The following CDC25C variants were observed in gnomAD, a reference collection of about 807,000 sequenced individuals.
CDC25C encodes M-phase inducer phosphatase 3.
CDC25C carries 48 observed loss-of-function variants against 52.5 expected under a neutral mutation model. The ratio of observed to expected loss-of-function variants is 0.91; its 90% CI spans 0.72 to 1.16. The LOEUF (loss-of-function observed/expected upper bound fraction) is 1.16. Ranked by LOEUF, CDC25C falls within the 50% of genes most tolerant of loss-of-function variation. The probability of loss-of-function intolerance (pLI) is 0.00; values close to 1 mark genes in which losing one functional copy is unlikely to be tolerated. For synonymous variants in CDC25C, 187 were observed against 206.5 expected, an observed-to-expected ratio of 0.91 and a Z score of 0.81; for missense variants, 510 against 566.1, an observed-to-expected ratio of 0.90 and a Z score of 1.01.
chr5:138,320,952 A>G (rs1286839737), intron 6 of CDC25C, among the ~76,000 whole-genome samples: 3 of 136,612 alleles, frequency 2.2e-5, no homozygotes, highest in Non-Finnish European at 4.7e-5. Context: ...AAAAGTAGCC[A>G]GGCATAGTGG....
chr5:138,328,778 T>C (rs574085863), intron 3 of CDC25C: 48 of 323,328 alleles, frequency 1.5e-4, no homozygotes, highest in African/African-American at 9.3e-4. Flanking sequence ...TATGGAGTTT[T>C]TTTTTTTCTT....
In CDC25C at chr5:138,285,521, G is replaced by C; in HGVS notation, c.*171C>G. The C allele has an allele frequency of 1.5e-6, 1 of 676,498 alleles. No homozygotes were observed. 41.9% of individuals were successfully genotyped at this position (676,498 alleles called of 1,614,324 possible). A position where few individuals can be genotyped will look rare whatever the true frequency, so the allele number is the denominator to read the frequency against. ...TCCAGGACTCTGCCACCAGCTTTCA[G>C]CTCTGCTGAAACCTAATCCATTCCC... On this transcript the variant is annotated 3_prime_UTR_variant, in exon 14 of 14. Coordinates refer to ENST00000323760, the MANE Select transcript of CDC25C (RefSeq NM_001790.5).
Position 138,319,257 on chromosome 5 carries a change from C to T in CDC25C, c.577G>A (p.Glu193Lys). 6.2e-7 allele frequency: 1 copy of T among 1,613,636 alleles called. No homozygotes were observed. Residue 193 changes from glutamate to lysine, a missense_variant, in exon 7 of 14, where the codon GAA (glutamate) becomes AAA (lysine). Transcript: ENST00000323760. ...TCTTTCAGGGAAAACTCCATTAATT[C>T]ATCTGAAATCTCTTCTGCCTGGTCT... ...GEDQAEEISD[E>K]LMEFSLKDQE... is the part of the protein sequence containing the mutation.
At chr5:138,296,216 T>C (rs1164879110) in intron 7 of CDC25C, among the ~76,000 whole-genome samples, 2 of 152,052 alleles carry the variant, frequency 1.3e-5, no homozygotes, top group South Asian at 2.1e-4. Context: ...CACCTCCTAC[T>C]CTTTTAGTTA....
intron 7 of CDC25C, among the ~76,000 whole-genome samples, chr5:138,299,357 G>A (rs1757462899): frequency 6.6e-6 from 1 of 150,976 alleles, no homozygotes; most frequent in Admixed American, 6.6e-5. Context: ...TTAGCCAGGC[G>A]TGGTAGGGTA....
chr5:138,293,751 A>G (rs1178643691), intron 7 of CDC25C, among the ~76,000 whole-genome samples: 11 of 151,070 alleles, frequency 7.3e-5, no homozygotes, highest in Non-Finnish European at 1.5e-5. Context: ...GGCTCAAGCG[A>G]TCCTCCCAAC....
At chr5:138,306,411 G>T (rs573538463) in intron 7 of CDC25C, among the ~76,000 whole-genome samples, 3 of 151,942 alleles carry the variant, frequency 2.0e-5, no homozygotes, top group Admixed American at 6.6e-5. Flanking sequence ...AATCACTAAG[G>T]TTACGACAAT....
chr5:138,315,443 A>G (rs537203589), intron 7 of CDC25C, among the ~76,000 whole-genome samples: 41 of 152,212 alleles, frequency 2.7e-4, no homozygotes, highest in Non-Finnish European at 5.1e-4. Flanking sequence ...CTACTGTATT[A>G]CAAACTGCTC....
At chr5:138,338,162 C>G in exon 1 of CDC25C, 2 of 1,289,684 alleles carry the variant, frequency 1.6e-6, no homozygotes, top group Non-Finnish European at 2.0e-6. Flanking sequence ...CCATGGGTGG[C>G]TTGGGGGGAT....
intron 3 of CDC25C, chr5:138,328,763 C>T (rs1302922396): frequency 2.5e-6 from 1 of 392,456 alleles, no homozygotes; most frequent in Non-Finnish European, 4.6e-6. Context: ...CTACACTATG[C>T]TACCTATGGA....
At chr5:138,311,883 G>C (rs1040811559) in intron 7 of CDC25C, among the ~76,000 whole-genome samples, 1 of 152,060 alleles carries the variant, frequency 6.6e-6, no homozygotes, top group Admixed American at 6.6e-5. Flanking sequence ...ATTAAAAAAT[G>C]GGCAAAGGAC....
rs75580072 is a variant in CDC25C, at chr5:138,299,982, C to T, written c.616-7866G>A. On this transcript the variant is annotated intron_variant, in intron 7 of 13. Transcript: ENST00000323760. ...ATCATGAAGAAATATTAGTGAATAA[C>T]TGTGTGCCAACAAATGAGACCACTT... is the stretch of plus-strand genomic sequence containing the variant. 4.2e-3 allele frequency among the ~76,000 whole-genome samples: 632 copies of T among 152,260 alleles called. 5 individuals are homozygous for T. The highest frequency in any genetic ancestry group is 0.015 in the African/African-American group (604 of 41,558).
chr5:138,324,463 T>G (rs1240633700), intron 6 of CDC25C, among the ~76,000 whole-genome samples: 1 of 151,460 alleles, frequency 6.6e-6, no homozygotes, highest in East Asian at 2.0e-4. Flanking sequence ...AAAAAAACTT[T>G]AAAAATATTG....
At position 138,337,711 on chromosome 5, in the gene CDC25C, G is replaced by C. The variant is rs575532143; in HGVS notation, c.13+245C>G. 1.2e-5 allele frequency: 4 copies of C among 333,630 alleles called. No individual in the cohort carries two copies. The East Asian group carries it at 3.7e-4, about 31-fold the overall frequency. The allele number at this position is 333,630 out of a possible 1,614,324, so 20.7% of individuals were successfully genotyped here. A position where few individuals can be genotyped will look rare whatever the true frequency, so the allele number is the denominator to read the frequency against. On this transcript the variant is annotated intron_variant, in intron 1 of 5. Coordinates refer to the CDC25C transcript ENST00000510119. ...TCAGGCCGATCCGGCAGCTGCAAGA[G>C]GGGCTCCTGGGACTCCGAGCAGGCC...
intron 6 of CDC25C, among the ~76,000 whole-genome samples, chr5:138,320,307 GA>G (rs1253967620): frequency 3.4e-5 from 5 of 147,078 alleles, no homozygotes; most frequent in African/African-American, 1.0e-4. Context: ...CTCCATCTTG[GA>G]AAAAAAAAAT....
Position 138,325,870 on chromosome 5 carries a change from T to G in CDC25C, c.404A>C (p.Asp135Ala). 6.2e-7 allele frequency: 1 copy of G among 1,614,142 alleles called. No homozygotes were observed. Among genetic ancestry groups the G allele is most frequent in the South Asian group, 1.1e-5 (1 of 91,078 alleles). ...QLLCSTPNGL[D>A]RGHRKRDAMC... The stretch of plus-strand genomic sequence containing the variant: ...TGCATCTCTCTTTCTATGGCCACGG[T>G]CCAAACCATTCGGAGTGCTACAAAG... Residue 135 changes from aspartate to alanine, a missense_variant, in exon 6 of 14, where the codon GAC (aspartate) becomes GCC (alanine). By Grantham distance (126) the Asp-to-Ala change is moderately radical (BLOSUM62 -2). Coordinates refer to ENST00000323760, the MANE Select transcript of CDC25C (RefSeq NM_001790.5).
Position 138,331,717 on chromosome 5 carries a change from C to T in CDC25C, c.-161G>A, listed in dbSNP as rs1760399390. ...GGAAAGGAGGTAGTTAACTAGATTG[C>T]AGCTCTGCCTTCCGACTGGGTAGGC... On this transcript the variant is annotated 5_prime_UTR_variant, in exon 1 of 14. Transcript: ENST00000323760. 1 of 989,832 alleles carries T rather than the reference C, an allele frequency of 1.0e-6. No individual in the cohort carries two copies. Among genetic ancestry groups the T allele is most frequent in the Non-Finnish European group, 1.2e-6 (1 of 832,358 alleles). 61.3% of individuals were successfully genotyped at this position (989,832 alleles called of 1,614,324 possible).
chr5:138,286,526 A>C lies in CDC25C; in HGVS notation c.1131T>G (p.Cys377Trp). 1 of 1,613,490 alleles carries C rather than the reference A, an allele frequency of 6.2e-7. No individual in the cohort carries two copies. Among genetic ancestry groups the C allele is most frequent in the Non-Finnish European group, 8.5e-7 (1 of 1,179,766 alleles). The change falls in exon 12 of 14, where the codon TGT (cysteine) becomes TGG (tryptophan). Residue 377 changes from cysteine to tryptophan, a missense_variant. By Grantham distance (215) the Cys-to-Trp change is radical. Transcript: ENST00000323760. The stretch of plus-strand genomic sequence containing the variant: ...GGGGGCCCCTCTCTGAGGAGAATTC[A>C]CAGTGGAACACGATGATTATTCTCT... ...TQKRIIIVFH[C>W]EFSSERGPRM...
chr5:138,290,936 C>T (rs1255960796), intron 8 of CDC25C, among the ~76,000 whole-genome samples, 196 bp from the exon 9 acceptor site: 2 of 151,936 alleles, frequency 1.3e-5, no homozygotes, highest in Non-Finnish European at 2.9e-5. Flanking sequence ...GTCTGGGAGA[C>T]AGAGTGAGAC....
Sources: allele counts gnomAD v4.1 joint callset (sites outside exome capture counted in the v4.1 genomes callset), GRCh38; gene constraint gnomAD v4.1.1; transcripts MANE v1.5; gene names NCBI Gene and HGNC (gene_info 2026-07-23, HGNC 2026-07-21).